GOLPH3: variants seen among roughly 807,000 people sequenced by gnomAD.
The protein encoded by GOLPH3 is coat protein GPP34.
In GOLPH3, 14 loss-of-function variants were observed where a neutral mutation model predicts 28.5. The observed-to-expected ratio is 0.49, with a 90% CI of 0.32 to 0.77. GOLPH3 has a LOEUF of 0.77. GOLPH3 is among the 30% of genes least tolerant of loss of function. The pLI is 0.03. For synonymous variants in GOLPH3, 158 were observed against 159.2 expected, an observed-to-expected ratio of 0.99 and a Z score of 0.06; for missense variants, 350 against 393.7, an observed-to-expected ratio of 0.89 and a Z score of 0.94.
intron 1 of GOLPH3, among the ~76,000 whole-genome samples, chr5:32,158,132 TACACACACACACACAC>T (rs70961610): frequency 3.0e-5 from 1 of 33,684 alleles, no homozygotes; most frequent in Non-Finnish European, 6.0e-5. Flanking sequence ...ATAAATAAAA[TACACACACACACACAC>T]ACACACACAC....
rs5867132 is a variant in GOLPH3 at position 32,141,162 on chromosome 5, CAAAAAAA to C, written c.357+2580_357+2586del. On this transcript the variant is annotated intron_variant, in intron 2 of 3. Coordinates refer to ENST00000265070, the MANE Select transcript of GOLPH3 (RefSeq NM_022130.4). ...TGGGTGACAGAGCAAGACTCAGTCT[CAAAAAAA>C]AAAAAAAAAAAGATACATGAATGGT... is the stretch of plus-strand genomic sequence containing the variant. Among the ~76,000 whole-genome samples the C allele has an allele frequency of 6.9e-3, 805 of 116,180 alleles. 13 individuals are homozygous for C. The highest frequency in any genetic ancestry group is 0.025 in the African/African-American group (773 of 30,380). The allele number at this position is 116,180 out of a possible 152,430, so 76.2% of individuals were successfully genotyped here. A position where few individuals can be genotyped will look rare whatever the true frequency, so the allele number is the denominator to read the frequency against.
chr5:32,146,163 G>A (rs970762035), intron 1 of GOLPH3, among the ~76,000 whole-genome samples: 13 of 151,858 alleles, frequency 8.6e-5, no homozygotes, highest in African/African-American at 3.1e-4. Context: ...GGTGGCACCC[G>A]TCTGTGGTCC....
At chr5:32,130,810 T>C (rs1184225460) in intron 3 of GOLPH3, among the ~76,000 whole-genome samples, 1 of 152,228 alleles carries the variant, frequency 6.6e-6, no homozygotes, top group African/African-American at 2.4e-5. Context: ...CTGTCTCTTA[T>C]ACTGAACTTA....
In GOLPH3 at chr5:32,142,069, T is replaced by TCTGGGATGTGAGGAGCCCCTCTGC. The variant is rs1561665437; in HGVS notation, c.357+1656_357+1679dup. Among the ~76,000 whole-genome samples, 8 of 150,646 alleles carry TCTGGGATGTGAGGAGCCCCTCTGC rather than the reference T, an allele frequency of 5.3e-5. No homozygotes were observed. The South Asian group carries it at 1.7e-3, about 32-fold the overall frequency. On this transcript the variant is annotated intron_variant, in intron 2 of 3. Coordinates refer to ENST00000265070, the MANE Select transcript of GOLPH3 (RefSeq NM_022130.4). The stretch of plus-strand genomic sequence containing the variant: ...AGCGTCTCCGCCTGGCTGCCCATCG[T>TCTGGGATGTGAGGAGCCCCTCTGC]CTGGGATGTGAGGAGCCCCTCTGCC...
chr5:32,147,911 C>T (rs905455413), intron 1 of GOLPH3, among the ~76,000 whole-genome samples: 4 of 152,148 alleles, frequency 2.6e-5, no homozygotes, highest in Non-Finnish European at 5.9e-5. Flanking sequence ...AGTTAAATTT[C>T]TGAGACTAGT....
intron 1 of GOLPH3, among the ~76,000 whole-genome samples, chr5:32,159,332 T>C (rs1746524379): frequency 6.6e-6 from 1 of 152,256 alleles, no homozygotes; most frequent in African/African-American, 2.4e-5. Context: ...TAGCCAAATG[T>C]AATTTTACAC....
chr5:32,127,399 A>G (rs570205314), intron 3 of GOLPH3, among the ~76,000 whole-genome samples: 1 of 152,354 alleles, frequency 6.6e-6, no homozygotes, highest in African/African-American at 2.4e-5. Flanking sequence ...ATATTTTTCT[A>G]AATTAGAATA....
At position 32,159,944 on chromosome 5, in the gene GOLPH3, G is replaced by A. The variant is rs569870784; in HGVS notation, c.225+13866C>T. ...TTTTAAGTTGAGGACATTTTGACAAGTCCTATGTAAGTTTTATATCAAGTC... is the reference window on the plus strand; with the variant it reads ...TTTTAAGTTGAGGACATTTTGACAAATCCTATGTAAGTTTTATATCAAGTC... On this transcript the variant is annotated intron_variant, in intron 1 of 3. Coordinates refer to ENST00000265070, the MANE Select transcript of GOLPH3 (RefSeq NM_022130.4). Among the ~76,000 whole-genome samples, 40 of 152,170 alleles carry A rather than the reference G, an allele frequency of 2.6e-4. 1 individual carries two copies. Among genetic ancestry groups the A allele is most frequent in the Non-Finnish European group, 2.1e-4 (14 of 68,032 alleles).
chr5:32,128,057 G>A (rs1745722671), intron 3 of GOLPH3, among the ~76,000 whole-genome samples: 1 of 152,162 alleles, frequency 6.6e-6, no homozygotes, highest in Admixed American at 6.5e-5. Flanking sequence ...CAGACTACTG[G>A]AGAAGGGGGA....
rs779400964 is a variant in GOLPH3, at chr5:32,126,475, G to T, written c.634C>A (p.Arg212Ser). 1 of 1,613,986 alleles carries T rather than the reference G, an allele frequency of 6.2e-7. No homozygotes were observed. Among genetic ancestry groups the T allele is most frequent in the Non-Finnish European group, 8.5e-7 (1 of 1,180,040 alleles). ...GCTTCCTGTACTTTCTTGATGAGGC[G>T]CTGCTTAATGTTGTTATTGGTGAGG... ...HPLTNNNIKQ[R>S]LIKKVQEAVL... is the part of the protein sequence containing the mutation. The change falls in exon 4 of 4, where the codon CGC becomes AGC. Residue 212 changes from arginine to serine, a missense_variant. Transcript: ENST00000265070.
chr5:32,137,894 AT>A (rs1745969973), intron 2 of GOLPH3, among the ~76,000 whole-genome samples: 1 of 131,182 alleles, frequency 7.6e-6, no homozygotes, highest in East Asian at 2.3e-4. Flanking sequence ...AAAATTTAAC[AT>A]TACGGTTTTT....
At chr5:32,139,791 C>T (rs1219237407) in intron 2 of GOLPH3, among the ~76,000 whole-genome samples, 1 of 152,098 alleles carries the variant, frequency 6.6e-6, no homozygotes, top group African/African-American at 2.4e-5. Flanking sequence ...AAAATAAGAA[C>T]TCTGAAGAAA....
At chr5:32,126,832 C>T (rs79539835) in intron 3 of GOLPH3, among the ~76,000 whole-genome samples, 196 bp from the exon 4 acceptor site, 8,202 of 152,208 alleles carry the variant, frequency 0.054, 471 homozygotes, top group African/African-American at 0.14. Flanking sequence ...CCAGCACATC[C>T]TCAGCCACAG....
At chr5:32,141,791 ACGGGGATT>A (rs1746067779) in intron 2 of GOLPH3, among the ~76,000 whole-genome samples, 1 of 151,848 alleles carries the variant, frequency 6.6e-6, no homozygotes, top group Non-Finnish European at 1.5e-5. Context: ...TTTGGTGGAG[ACGGGGATT>A]CGCTGTGTTG....
At chr5:32,130,658 T>G (rs953171302) in intron 3 of GOLPH3, among the ~76,000 whole-genome samples, 8 of 152,082 alleles carry the variant, frequency 5.3e-5, no homozygotes, top group Admixed American at 6.5e-5. Flanking sequence ...TTCTGAGAGA[T>G]CTACAGTTAA....
intron 3 of GOLPH3, among the ~76,000 whole-genome samples, chr5:32,129,650 T>TG (rs1745780083): frequency 6.6e-6 from 1 of 152,176 alleles, no homozygotes; most frequent in Non-Finnish European, 1.5e-5. Context: ...TTTAATGTTA[T>TG]GGGGTATTTC....
In GOLPH3 at chr5:32,131,468, T is replaced by C. The variant is rs564282497; in HGVS notation, c.472+4104A>G. Among the ~76,000 whole-genome samples, 3 of 152,354 alleles carry C rather than the reference T, an allele frequency of 2.0e-5. No individual in the cohort carries two copies. The South Asian group carries it at 6.2e-4, about 32-fold the overall frequency. The stretch of plus-strand genomic sequence containing the variant: ...AATAAAAGTTTAGCTTCTAAAGATT[T>C]AGCTACTTCAATTTTTAAAAGTGAA... On this transcript the variant is annotated intron_variant, in intron 3 of 3. Transcript: ENST00000265070.
chr5:32,126,467 G>A lies in GOLPH3; in HGVS notation c.642C>T (p.Ile214=). 3 of 1,614,182 alleles carry A rather than the reference G, an allele frequency of 1.9e-6. No individual in the cohort carries two copies. The highest frequency in any genetic ancestry group is 2.5e-6 in the Non-Finnish European group (3 of 1,180,038). Residue 214 remains isoleucine, a synonymous_variant, in exon 4 of 4, where the codon ATC becomes ATT. Coordinates refer to ENST00000265070, the MANE Select transcript of GOLPH3 (RefSeq NM_022130.4). ...LTNNNIKQRL[I]KKVQEAVLDK... is the part of the protein sequence containing the mutation. ...CAAGAACGGCTTCCTGTACTTTCTT[G>A]ATGAGGCGCTGCTTAATGTTGTTAT...
rs760541040 is a variant in GOLPH3 at position 32,174,039 on chromosome 5, CCCGCCGAG to C, written c.-13_-6del. 41 of 1,275,622 alleles carry C rather than the reference CCCGCCGAG, an allele frequency of 3.2e-5. No individual in the cohort carries two copies. In the South Asian group the frequency reaches 1.1e-3, roughly 34 times the overall value. The allele number at this position is 1,275,622 out of a possible 1,614,324, so 79.0% of individuals were successfully genotyped here. A position where few individuals can be genotyped will look rare whatever the true frequency, so the allele number is the denominator to read the frequency against. ...GCGCTGGGTCAGCGAGGTCATGGCTCCCGCCGAGGCGCCGAGCCGGGCCGAGAGGGTCG... is the reference window on the plus strand; with the variant it reads ...GCGCTGGGTCAGCGAGGTCATGGCTCGCGCCGAGCCGGGCCGAGAGGGTCG... On this transcript the variant is annotated 5_prime_UTR_variant, in exon 1 of 4. Coordinates refer to ENST00000265070, the MANE Select transcript of GOLPH3 (RefSeq NM_022130.4).
Sources: gnomAD v4.1 joint callset for allele counts (sites outside exome capture counted in the v4.1 genomes callset) on GRCh38, gnomAD v4.1.1 for gene constraint, MANE v1.5 for transcripts, NCBI Gene and HGNC (gene_info 2026-07-23, HGNC 2026-07-21) for gene names.